SNAPC4: variants seen among roughly 807,000 people sequenced by gnomAD.
SNAPC4 encodes snRNA-activating protein complex subunit 4.
In SNAPC4, 127 loss-of-function variants were observed where a neutral mutation model predicts 151.3. The observed-to-expected ratio is 0.84, with a 90% confidence interval of 0.73 to 0.97. The LOEUF is 0.97. Ranked by LOEUF, SNAPC4 falls within the 50% of genes least tolerant of loss-of-function variation. The probability of loss-of-function intolerance (pLI) is 0.00; values close to 1 mark genes in which losing one functional copy is unlikely to be tolerated. For missense variants in SNAPC4, 2,186 were observed against 1,935.0 expected (o/e 1.13, Z -2.43); for synonymous variants, 1,002 against 824.4 (o/e 1.22, Z -3.69).
rs550955407 is a variant in SNAPC4 at position 136,378,156 on chromosome 9, G to A, written c.3671C>T (p.Ser1224Phe). 3.5e-5 allele frequency: 57 copies of A among 1,610,728 alleles called. No individual in the cohort carries two copies. The South Asian group carries it at 5.1e-4, about 14-fold the overall frequency. The stretch of plus-strand genomic sequence containing the variant: ...CCTGGGCTCCTGTGTCCCTGAGGGG[G>A]ACCCCGGCGTCCCCCTTGGCTCAGT... The part of the protein sequence containing the change: ...PATEPRGTPG[S>F]PSGTQEPRGP... The change falls in exon 22 of 24, where the codon TCC (serine) becomes TTC (phenylalanine). Residue 1224 changes from serine to phenylalanine, a missense_variant. Physicochemically the swap from Ser to Phe is radical, Grantham distance 155. Transcript: ENST00000684778.
chr9:136,391,912 TGGCCCCTGGGGTCCA>T lies in SNAPC4; in HGVS notation c.975+15_975+29del. 6.3e-7 allele frequency: 1 copy of T among 1,593,294 alleles called. No individual in the cohort carries two copies. The highest frequency in any genetic ancestry group is 1.7e-4 in the Middle Eastern group (1 of 5,876). ...AGGGCCCACACGCCCTCAGGTCTCC[TGGCCCCTGGGGTCCA>T]GGCCAGGCCCTTACCCCCAGCTCCT... is the stretch of plus-strand genomic sequence containing the variant. On this transcript the variant is annotated intron_variant, in intron 10 of 23. Transcript: ENST00000684778.
rs1833539401 is a variant in SNAPC4, at chr9:136,378,234, G to A, written c.3593C>T (p.Ala1198Val). Residue 1198 changes from alanine to valine, a missense_variant, in exon 22 of 24, where the codon GCA (alanine) becomes GTA (valine). Coordinates refer to ENST00000684778, the MANE Select transcript of SNAPC4 (RefSeq NM_003086.4). ...RTSSHADPPE[A>V]EPPWSGRLPA... ...CAGCCTCCCGGACCAAGGGGGTTCTGCTTCAGGAGGGTCAGCGTGGGAGGA... is the reference window on the plus strand; with the variant it reads ...CAGCCTCCCGGACCAAGGGGGTTCTACTTCAGGAGGGTCAGCGTGGGAGGA... 1 of 1,611,060 alleles carries A rather than the reference G, an allele frequency of 6.2e-7. No individual in the cohort carries two copies. The highest frequency in any genetic ancestry group is 1.3e-5 in the African/African-American group (1 of 74,926).
In SNAPC4 at chr9:136,378,842, C is replaced by A. The variant is rs748342217; in HGVS notation, c.2985G>T (p.Glu995Asp). ...AAGCAGCAGGGGCTGTGCCCTCGGC[C>A]TCTGAGAAGACAGGAGCGAGGGGCA... ...QALPLAPVFSEAEGTAPAASQ... is the reference protein window; with the variant it reads ...QALPLAPVFSDAEGTAPAASQ... Residue 995 changes from glutamate (E) to aspartate (D), a missense_variant, in exon 22 of 24, where the codon GAG (glutamate) becomes GAT (aspartate). By Grantham distance (45) the Glu-to-Asp change is conservative. Transcript: ENST00000684778. 14 of 1,606,336 alleles carry A rather than the reference C, an allele frequency of 8.7e-6. No homozygotes were observed. The highest frequency in any genetic ancestry group is 2.5e-6 in the Non-Finnish European group (3 of 1,176,766).
intron 1 of SNAPC4, among the ~76,000 whole-genome samples, chr9:136,399,873 G>A (rs2131529244): frequency 1.3e-5 from 2 of 152,254 alleles, no homozygotes; most frequent in South Asian, 4.1e-4. Flanking sequence ...CGGGCGCCCT[G>A]CAGCCGGGGC....
chr9:136,399,979 G>A (rs1834400141), intron 1 of SNAPC4, among the ~76,000 whole-genome samples, 155 bp downstream of exon 1: 1 of 152,134 alleles, frequency 6.6e-6, no homozygotes, highest in Non-Finnish European at 1.5e-5. Flanking sequence ...GCCGGACGGG[G>A]GCCACGCCGG....
rs970707529 is a variant in SNAPC4 at position 136,394,104 on chromosome 9, G to C, written c.632+145C>G. ...AGCTAATTTTTTTACTTTTTGAAGAGATGGGGTCTCACCATGTTGCCCAGG... is the reference window on the plus strand; with the variant it reads ...AGCTAATTTTTTTACTTTTTGAAGACATGGGGTCTCACCATGTTGCCCAGG... On this transcript the variant is annotated intron_variant, in intron 7 of 23. Coordinates refer to ENST00000684778, the MANE Select transcript of SNAPC4 (RefSeq NM_003086.4). The C allele has an allele frequency of 5.6e-6, 4 of 712,494 alleles. No individual in the cohort carries two copies. In the African/African-American group the frequency reaches 7.0e-5, roughly 12 times the overall value. The allele number at this position is 712,494 out of a possible 1,614,324, so 44.1% of individuals were successfully genotyped here.
chr9:136,395,201 C>CA, intron 5 of SNAPC4, 97 bp downstream of exon 5: 1 of 1,459,264 alleles, frequency 6.9e-7, no homozygotes. Flanking sequence ...ATCTTGAACT[C>CA]ACAGGAATTC....
rs1202510601 is a variant in SNAPC4 at position 136,390,995 on chromosome 9, C to T, written c.975+947G>A. ...GACTACAGATGCCCGCCACCACGCC[C>T]GGCTAATTTTGTATTTTTAGTAGAG... On this transcript the variant is annotated intron_variant, in intron 10 of 23. Transcript: ENST00000684778. Among the ~76,000 whole-genome samples the T allele has an allele frequency of 4.6e-5, 7 of 152,170 alleles. No individual in the cohort carries two copies. In the East Asian group the frequency reaches 7.7e-4, roughly 17 times the overall value.
chr9:136,388,151 C>T (rs1319648472), intron 11 of SNAPC4, among the ~76,000 whole-genome samples: 5 of 152,068 alleles, frequency 3.3e-5, no homozygotes, highest in South Asian at 4.2e-4. Context: ...CCTGTAATCC[C>T]AGCTACTTGG....
rs1245798833 is a variant in SNAPC4 at position 136,394,839 on chromosome 9, G to C, written c.511C>G (p.Gln171Glu). Reference protein sequence around the residue: ...ANEDTREKAAQGIKAFEELLV... With the variant: ...ANEDTREKAAEGIKAFEELLV... ...AGCTCCTCGAAAGCCTTGATCCCCT[G>C]GGCAGCCTTCTCTCGTGTGTCCTCG... is the stretch of plus-strand genomic sequence containing the variant. The change falls in exon 6 of 24, where the codon CAG becomes GAG. Residue 171 changes from glutamine to glutamate, a missense_variant. Gln to Glu is a conservative substitution (Grantham distance 29). Transcript: ENST00000684778. 8 of 1,613,828 alleles carry C rather than the reference G, an allele frequency of 5.0e-6. No individual in the cohort carries two copies. Among genetic ancestry groups the C allele is most frequent in the Non-Finnish European group, 1.7e-6 (2 of 1,179,994 alleles).
At position 136,383,902 on chromosome 9, in the gene SNAPC4, G is replaced by A; in HGVS notation, c.1500+51C>T. On this transcript the variant is annotated intron_variant, in intron 15 of 23. Coordinates refer to ENST00000684778, the MANE Select transcript of SNAPC4 (RefSeq NM_003086.4). The surrounding 1 kb of genome is among the most constrained non-coding windows in gnomAD (Gnocchi z 4.2). ...CTCCTCCTGCCTGCTGGACCCCCCA[G>A]TTGACCAGGCCATTGTCTGGTTTCA... is the stretch of plus-strand genomic sequence containing the variant. 3 of 1,446,136 alleles carry A rather than the reference G, an allele frequency of 2.1e-6. No individual in the cohort carries two copies. The highest frequency in any genetic ancestry group is 1.1e-5 in the South Asian group (1 of 87,574). 89.6% of individuals were successfully genotyped at this position (1,446,136 alleles called of 1,614,324 possible).
intron 13 of SNAPC4, among the ~76,000 whole-genome samples, chr9:136,386,018 G>A (rs1457934448): frequency 2.6e-5 from 4 of 152,076 alleles, no homozygotes; most frequent in Non-Finnish European, 5.9e-5. Context: ...TGGGTTTTAT[G>A]CTTATCAATC....
intron 20 of SNAPC4, 35 bp from the exon 21 acceptor site, chr9:136,379,899 G>C: frequency 6.2e-7 from 1 of 1,603,490 alleles, no homozygotes; most frequent in Non-Finnish European, 8.5e-7. Flanking sequence ...AGCAGCTCAG[G>C]TGTCCTCTGC....
chr9:136,383,402 G>A lies in SNAPC4; in HGVS notation c.1767C>T (p.Ala589=). The A allele has an allele frequency of 6.3e-7, 1 of 1,576,322 alleles. No homozygotes were observed. Among genetic ancestry groups the A allele is most frequent in the Non-Finnish European group, 8.6e-7 (1 of 1,160,960 alleles). ...GGGAGGCAGCGGGGCCTCCCAGCCAGGCCCCTGCCCCTCCTCTCCATGGCT... is the reference window on the plus strand; with the variant it reads ...GGGAGGCAGCGGGGCCTCCCAGCCAAGCCCCTGCCCCTCCTCTCCATGGCT... The part of the protein sequence containing the change: ...TSQPWRGGAG[A]WLGGPAASLS... The change falls in exon 16 of 24, where the codon GCC becomes GCT. Residue 589 remains alanine (A), a synonymous_variant. Transcript: ENST00000684778. This position sits in a 1 kb window ranked among gnomAD's most constrained non-coding sequence, Gnocchi z 4.2.
rs1193415593 is a variant in SNAPC4, at chr9:136,387,420, C to A, written c.1325+65G>T. 7 of 1,179,258 alleles carry A rather than the reference C, an allele frequency of 5.9e-6. No individual in the cohort carries two copies. The East Asian group carries it at 1.4e-4, about 24-fold the overall frequency. The allele number at this position is 1,179,258 out of a possible 1,614,324, so 73.0% of individuals were successfully genotyped here. ...TGTCCCCCAGCCCGCCCACAGCCCA[C>A]ACCAGAGTGCACCTGGTCAGTGACC... On this transcript the variant is annotated intron_variant, in intron 13 of 23. Transcript: ENST00000684778.
chr9:136,394,686 C>G (rs1307731247), intron 6 of SNAPC4, 114 bp downstream of exon 6: 2 of 912,596 alleles, frequency 2.2e-6, no homozygotes, highest in Non-Finnish European at 1.7e-6. Flanking sequence ...CCTGAAGGAG[C>G]CATGAGGTCA....
chr9:136,392,636 T>G, intron 8 of SNAPC4, 37 bp downstream of exon 8: 1 of 1,613,286 alleles, frequency 6.2e-7, no homozygotes, highest in East Asian at 2.2e-5. Flanking sequence ...GCCTGGCTTG[T>G]GGGCTCCCCT....
chr9:136,377,968 C>G lies in SNAPC4; in HGVS notation c.3859G>C (p.Gly1287Arg), dbSNP rs1833521484. Residue 1287 changes from glycine to arginine, a missense_variant, in exon 22 of 24, where the codon GGG becomes CGG. Gly to Arg is a moderately radical substitution (Grantham distance 125). Coordinates refer to ENST00000684778, the MANE Select transcript of SNAPC4 (RefSeq NM_003086.4). The part of the protein sequence containing the change: ...EGEAATQQWL[G>R]GQRGVRVPLL... ...GGCACACGCACCCCCCGCTGGCCCC[C>G]CAGCCACTGCTGTGTGGCCGCCTCG... 2 of 1,602,140 alleles carry G rather than the reference C, an allele frequency of 1.2e-6. No individual in the cohort carries two copies. Among genetic ancestry groups the G allele is most frequent in the South Asian group, 1.1e-5 (1 of 90,650 alleles).
At chr9:136,382,454 C>T (rs1833735181) in intron 16 of SNAPC4, 118 bp from the exon 17 acceptor site, 2 of 846,438 alleles carry the variant, frequency 2.4e-6, no homozygotes, top group Non-Finnish European at 1.9e-6. Context: ...TGGCTGTGTA[C>T]AGCTCTGCTC....
Sources: allele counts gnomAD v4.1 joint callset (sites outside exome capture counted in the v4.1 genomes callset), GRCh38; gene constraint gnomAD v4.1.1; non-coding constraint Gnocchi (gnomAD v3.1); transcripts MANE v1.5; gene names NCBI Gene and HGNC (gene_info 2026-07-23, HGNC 2026-07-21).